The following NKAIN3 variants were observed in gnomAD, a reference collection of about 807,000 sequenced individuals.
NKAIN3 encodes sodium/potassium-transporting ATPase subunit beta-1-interacting protein 3.
NKAIN3 carries 25 observed loss-of-function variants against 30.2 expected under a neutral mutation model. The ratio of observed to expected loss-of-function variants is 0.83; its 90% CI spans 0.60 to 1.16. The LOEUF (loss-of-function observed/expected upper bound fraction) is 1.16. Ranked by LOEUF, NKAIN3 falls within the 50% of genes most tolerant of loss-of-function variation. The pLI, the probability that NKAIN3 is intolerant of heterozygous loss-of-function variation, is 0.00. For missense variants in NKAIN3, 225 were observed against 254.1 expected (o/e 0.89, Z 0.78); for synonymous variants, 91 against 89.6 (o/e 1.02, Z -0.09).
intron 1 of NKAIN3, among the ~76,000 whole-genome samples, chr8:62,557,481 A>C (rs1253662239): frequency 6.6e-6 from 1 of 152,138 alleles, no homozygotes. Context: ...AAAAATGTTC[A>C]CACTGTTTTC....
At chr8:62,269,974 G>A (rs1384918368) in intron 1 of NKAIN3, among the ~76,000 whole-genome samples, 1 of 152,052 alleles carries the variant, frequency 6.6e-6, no homozygotes, top group South Asian at 2.1e-4. Flanking sequence ...GTTAAAGTAC[G>A]AACAATGAAA....
intron 1 of NKAIN3, among the ~76,000 whole-genome samples, chr8:62,442,883 T>A (rs1246514620): frequency 1.3e-5 from 2 of 152,022 alleles, no homozygotes. Flanking sequence ...TGTCCATTTT[T>A]AACTATTTTC....
intron 3 of NKAIN3, among the ~76,000 whole-genome samples, chr8:62,683,563 T>G (rs1409623018): frequency 6.6e-6 from 1 of 152,196 alleles, no homozygotes; most frequent in Non-Finnish European, 1.5e-5. Context: ...TGTCAGTAAG[T>G]GCCCCAAAGT....
At chr8:62,275,788 A>C (rs867820660) in intron 1 of NKAIN3, among the ~76,000 whole-genome samples, 1 of 152,184 alleles carries the variant, frequency 6.6e-6, no homozygotes, top group African/African-American at 2.4e-5. Context: ...GAGTCTTTAA[A>C]TTATTTTGAT....
intron 1 of NKAIN3, among the ~76,000 whole-genome samples, chr8:62,556,766 A>T (rs1010194171): frequency 6.6e-6 from 1 of 151,980 alleles, no homozygotes. Context: ...TAATCTAAAA[A>T]GTGGCATCAA....
intron 3 of NKAIN3, among the ~76,000 whole-genome samples, chr8:62,715,238 C>G (rs1814856835): frequency 6.6e-6 from 1 of 152,088 alleles, no homozygotes; most frequent in Non-Finnish European, 1.5e-5. Flanking sequence ...GATTACAGTT[C>G]AATATGAGAT....
intron 4 of NKAIN3, among the ~76,000 whole-genome samples, chr8:62,859,782 T>C (rs193139536): frequency 7.9e-5 from 12 of 152,306 alleles, no homozygotes; most frequent in Non-Finnish European, 1.6e-4. Flanking sequence ...TAGATTCTCA[T>C]GTACAGGAGA....
At chr8:62,696,277 A>C (rs1175501102) in intron 3 of NKAIN3, among the ~76,000 whole-genome samples, 1 of 152,218 alleles carries the variant, frequency 6.6e-6, no homozygotes, top group Admixed American at 6.5e-5. Flanking sequence ...GTAATGGAGT[A>C]AGAATGAATC....
chr8:62,412,909 C>CAAAAAAAAAAAAAAAAAAAAAAAAAAAAA (rs71501599), intron 1 of NKAIN3, among the ~76,000 whole-genome samples: 1 of 97,934 alleles, frequency 1.0e-5, no homozygotes, highest in Non-Finnish European at 2.0e-5. Flanking sequence ...GAGACTCCGT[C>CAAAAAAAAAAAAAAAAAAAAAAAAAAAAA]AAAAAAAAAA....
intron 4 of NKAIN3, among the ~76,000 whole-genome samples, chr8:62,754,049 A>C (rs1816372172): frequency 6.6e-6 from 1 of 152,134 alleles, no homozygotes; most frequent in Non-Finnish European, 1.5e-5. Flanking sequence ...TCCCAAAAAA[A>C]TGTTTTTACA....
intron 4 of NKAIN3, chr8:62,856,383 G>C: frequency 1.2e-6 from 1 of 822,386 alleles, no homozygotes; most frequent in Non-Finnish European, 2.2e-6. Flanking sequence ...CTTCTAGTTT[G>C]CTGGATTCCT....
intron 5 of NKAIN3, among the ~76,000 whole-genome samples, chr8:62,919,488 A>G (rs922055274): frequency 6.6e-6 from 1 of 151,250 alleles, no homozygotes; most frequent in African/African-American, 2.4e-5. Flanking sequence ...CTCGTGATCC[A>G]CCCGCCTCGG....
At chr8:62,902,750 A>G (rs1821650598) in intron 4 of NKAIN3, among the ~76,000 whole-genome samples, 1 of 152,206 alleles carries the variant, frequency 6.6e-6, no homozygotes, top group South Asian at 2.1e-4. Flanking sequence ...CTCAGATATA[A>G]TGATCCTATC....
chr8:62,471,887 G>A (rs989804510), intron 1 of NKAIN3, among the ~76,000 whole-genome samples: 5 of 152,080 alleles, frequency 3.3e-5, no homozygotes, highest in Non-Finnish European at 5.9e-5. Context: ...CAAGACTATG[G>A]TGAGCTATGA....
intron 4 of NKAIN3, among the ~76,000 whole-genome samples, chr8:62,761,943 C>G (rs1202758423): frequency 6.6e-6 from 1 of 151,948 alleles, no homozygotes; most frequent in Non-Finnish European, 1.5e-5. Context: ...TCTACTCCCC[C>G]CAAAAAAGAT....
At chr8:62,277,139 C>G (rs1812989074) in intron 1 of NKAIN3, among the ~76,000 whole-genome samples, 1 of 152,188 alleles carries the variant, frequency 6.6e-6, no homozygotes, top group East Asian at 1.9e-4. Context: ...AGGGTAAATA[C>G]TATTGAAATT....
intron 1 of NKAIN3, among the ~76,000 whole-genome samples, chr8:62,409,082 C>G (rs867836935): frequency 6.6e-6 from 1 of 152,112 alleles, no homozygotes; most frequent in African/African-American, 2.4e-5. Flanking sequence ...TTTTTTCATG[C>G]GCTTATATAA....
intron 3 of NKAIN3, among the ~76,000 whole-genome samples, chr8:62,602,104 A>G (rs759969436): frequency 7.2e-5 from 11 of 152,114 alleles, no homozygotes; most frequent in African/African-American, 1.4e-4. Flanking sequence ...ATAAAACACA[A>G]TCTAAACTAC....
intron 1 of NKAIN3, among the ~76,000 whole-genome samples, chr8:62,366,352 G>A (rs563133542): frequency 8.2e-4 from 125 of 151,730 alleles, no homozygotes; most frequent in African/African-American, 2.9e-3. Flanking sequence ...TCAGCATCCC[G>A]AGTAGCTGGG....
Sources: allele counts gnomAD v4.1 joint callset (sites outside exome capture counted in the v4.1 genomes callset), GRCh38; gene constraint gnomAD v4.1.1; transcripts MANE v1.5; gene names NCBI Gene and HGNC (gene_info 2026-07-23, HGNC 2026-07-21).